The following RNF111 variants were observed in gnomAD, a reference collection of about 807,000 sequenced individuals.
RNF111 encodes the protein E3 ubiquitin-protein ligase Arkadia.
A neutral mutation model predicts 95.1 loss-of-function variants in RNF111; 17 were observed. The ratio of observed to expected loss-of-function variants is 0.18; its 90% CI spans 0.12 to 0.27. The LOEUF (loss-of-function observed/expected upper bound fraction) is 0.27. RNF111 is among the 10% of genes least tolerant of loss of function. The probability of loss-of-function intolerance (pLI) is 1.00; values close to 1 mark genes in which losing one functional copy is unlikely to be tolerated. For synonymous variants in RNF111, 440 were observed against 414.8 expected (o/e 1.06, Z -0.74); for missense variants, 1,189 against 1,210.4 (o/e 0.98, Z 0.26).
chr15:59,071,599 G>A (rs918584250), intron 6 of RNF111, among the ~76,000 whole-genome samples: 31 of 151,472 alleles, frequency 2.0e-4, no homozygotes, highest in Admixed American at 2.0e-3. Flanking sequence ...GGTGGCTGAG[G>A]CAGGAGAATC....
chr15:59,089,034 G>T (rs530259833), intron 10 of RNF111, among the ~76,000 whole-genome samples: 10 of 152,232 alleles, frequency 6.6e-5, no homozygotes, highest in African/African-American at 2.2e-4. Flanking sequence ...ATACGGCAGA[G>T]CCCTGTTCTA....
At chr15:59,045,974 G>A (rs1233532531) in intron 2 of RNF111, among the ~76,000 whole-genome samples, 1 of 152,178 alleles carries the variant, frequency 6.6e-6, no homozygotes, top group African/African-American at 2.4e-5. Context: ...CTCAGTCTGT[G>A]TGTGTAATCT....
intron 7 of RNF111, among the ~76,000 whole-genome samples, chr15:59,078,552 TAAAAA>T (rs56959347): frequency 1.1e-5 from 1 of 94,472 alleles, no homozygotes; most frequent in African/African-American, 4.1e-5. Context: ...AACCTGTCTC[TAAAAA>T]AAAAAAAAAA....
chr15:59,095,141 G>T lies in RNF111; in HGVS notation c.*241G>T. On this transcript the variant is annotated 3_prime_UTR_variant, in exon 14 of 14. Coordinates refer to ENST00000348370, the MANE Select transcript of RNF111 (RefSeq NM_017610.8). ...TTCTGTATCATTTTACTGTATTTTT[G>T]CATGGTTCCTTGTATTGCATTTCTT... The T allele has an allele frequency of 2.5e-6, 1 of 402,594 alleles. No homozygotes were observed. Among genetic ancestry groups the T allele is most frequent in the Non-Finnish European group, 4.5e-6 (1 of 224,364 alleles). 24.9% of individuals were successfully genotyped at this position (402,594 alleles called of 1,614,324 possible).
intron 2 of RNF111, among the ~76,000 whole-genome samples, chr15:59,041,362 C>G (rs1255071874): frequency 6.6e-6 from 1 of 152,044 alleles, no homozygotes; most frequent in Admixed American, 6.6e-5. Context: ...AAGACCAGCC[C>G]GACCAACATG....
intron 6 of RNF111, among the ~76,000 whole-genome samples, chr15:59,068,715 T>G (rs1301456710): frequency 6.6e-6 from 1 of 152,126 alleles, no homozygotes; most frequent in African/African-American, 2.4e-5. Context: ...TCACCCGACC[T>G]TTCCTAAAGT....
At chr15:58,994,033 A>T (rs551797577) in intron 1 of RNF111, among the ~76,000 whole-genome samples, 2 of 103,130 alleles carry the variant, frequency 1.9e-5, no homozygotes, top group Non-Finnish European at 3.7e-5. Context: ...TGTTACTTAA[A>T]TTTTTTTTTT....
intron 2 of RNF111, among the ~76,000 whole-genome samples, chr15:59,040,223 C>T (rs2041384054): frequency 1.3e-5 from 2 of 152,070 alleles, no homozygotes; most frequent in Admixed American, 1.3e-4. Flanking sequence ...TCAAGTGATC[C>T]TCCTGCCTCA....
intron 1 of RNF111, among the ~76,000 whole-genome samples, chr15:59,029,563 A>G (rs1175375104): frequency 6.6e-6 from 1 of 152,228 alleles, no homozygotes; most frequent in East Asian, 1.9e-4. Context: ...AAAGTTATAT[A>G]CTATAGTAAC....
chr15:59,027,686 G>A (rs1475915016), intron 1 of RNF111, among the ~76,000 whole-genome samples: 1 of 151,682 alleles, frequency 6.6e-6, no homozygotes, highest in South Asian at 2.1e-4. Context: ...CTGCCACCAT[G>A]CCTGGCTAAT....
At chr15:59,043,875 A>G (rs1036328279) in intron 2 of RNF111, among the ~76,000 whole-genome samples, 4 of 152,210 alleles carry the variant, frequency 2.6e-5, no homozygotes, top group African/African-American at 9.7e-5. Context: ...TGAAAAGAAT[A>G]TGAGCTTTAG....
intron 2 of RNF111, among the ~76,000 whole-genome samples, chr15:59,040,730 G>C (rs1380985505): frequency 6.6e-6 from 1 of 152,098 alleles, no homozygotes; most frequent in Admixed American, 6.5e-5. Flanking sequence ...ACCTAATACA[G>C]TAATTCTAAT....
intron 1 of RNF111, among the ~76,000 whole-genome samples, chr15:59,028,480 A>G (rs1335191798): frequency 6.6e-6 from 1 of 152,176 alleles, no homozygotes; most frequent in East Asian, 1.9e-4. Context: ...AAATTCTAAC[A>G]ACATACTGTG....
chr15:59,067,780 A>C (rs1221929302), intron 6 of RNF111, among the ~76,000 whole-genome samples: 1 of 152,180 alleles, frequency 6.6e-6, no homozygotes, highest in Non-Finnish European at 1.5e-5. Flanking sequence ...AAAAATTGGA[A>C]AATTCTCCCA....
chr15:59,020,227 T>A (rs1401845357), intron 1 of RNF111, among the ~76,000 whole-genome samples: 2 of 149,744 alleles, frequency 1.3e-5, no homozygotes, highest in Non-Finnish European at 3.0e-5. Context: ...ACAATAAAGA[T>A]AATATGTATA....
chr15:59,009,702 C>T (rs2039702486), intron 1 of RNF111, among the ~76,000 whole-genome samples: 1 of 151,990 alleles, frequency 6.6e-6, no homozygotes, highest in Non-Finnish European at 1.5e-5. Flanking sequence ...TGCCTGTAAT[C>T]TCAACACTTT....
At chr15:59,085,846 A>G (rs1206416978) in intron 10 of RNF111, 61 bp downstream of exon 10, 2 of 1,386,446 alleles carry the variant, frequency 1.4e-6, no homozygotes. Flanking sequence ...TAAGTATTTT[A>G]TTGGAAATAC....
intron 5 of RNF111, among the ~76,000 whole-genome samples, chr15:59,063,978 A>G (rs556759903): frequency 8.5e-5 from 13 of 152,308 alleles, no homozygotes; most frequent in Non-Finnish European, 1.6e-4. Flanking sequence ...ACACTTTTAC[A>G]TAGAGACTAA....
At chr15:59,019,105 A>ATTTTTTTTTTTTTTTTTTTTTTT (rs35154303) in intron 1 of RNF111, among the ~76,000 whole-genome samples, 1 of 121,284 alleles carries the variant, frequency 8.2e-6, no homozygotes, top group African/African-American at 3.1e-5. Flanking sequence ...GTATTTTTGT[A>ATTTTTTTTTTTTTTTTTTTTTTT]TTTTTTTTTT....
Sources: allele counts gnomAD v4.1 joint callset (sites outside exome capture counted in the v4.1 genomes callset), GRCh38; gene constraint gnomAD v4.1.1; transcripts MANE v1.5; gene names NCBI Gene and HGNC (gene_info 2026-07-23, HGNC 2026-07-21).